Variants in NAALADL1 observed in about 807,000 individuals in gnomAD.
NAALADL1 encodes the protein N-acetylated alpha-linked acidic dipeptidase like 1.
NAALADL1 carries 77 observed loss-of-function variants against 82.8 expected under a neutral mutation model. The observed-to-expected ratio is 0.93, with a 90% CI of 0.77 to 1.12. The LOEUF (loss-of-function observed/expected upper bound fraction) is 1.12. Ranked by LOEUF, NAALADL1 falls within the 50% of genes most tolerant of loss-of-function variation. NAALADL1 has a pLI of 0.00. For missense variants in NAALADL1, 956 were observed against 964.0 expected (o/e 0.99, Z 0.11); for synonymous variants, 358 against 399.2 (o/e 0.90, Z 1.23).
At position 65,045,233 on chromosome 11, in the gene NAALADL1, G is replaced by T. The variant is rs371510293; in HGVS notation, c.*38C>A. ...ATCTCAGGAAAGCAGGCAGGAGAGG[G>T]TTGGAGTAAAGGGAGGGCTGAAGAA... On this transcript the variant is annotated 3_prime_UTR_variant, in exon 18 of 18. Coordinates refer to ENST00000358658, the MANE Select transcript of NAALADL1 (RefSeq NM_005468.3). 1 of 1,593,574 alleles carries T rather than the reference G, an allele frequency of 6.3e-7. No homozygotes were observed. Among genetic ancestry groups the T allele is most frequent in the Non-Finnish European group, 8.6e-7 (1 of 1,168,636 alleles).
At position 65,053,628 on chromosome 11, in the gene NAALADL1, G is replaced by C. The variant is rs374126198; in HGVS notation, c.993-52C>G. ...ACTCTTGGCCTTGCCCACTGCCCCC[G>C]ACCCAGTGCAGGAGACACTGAGGCC... On this transcript the variant is annotated intron_variant, in intron 6 of 17. Transcript: ENST00000358658. The surrounding 1 kb of genome is among the most constrained non-coding windows in gnomAD (Gnocchi z 4.3). The C allele has an allele frequency of 6.3e-5, 94 of 1,484,884 alleles. 1 individual carries two copies. In the African/African-American group the frequency reaches 1.2e-3, roughly 19 times the overall value. 92.0% of individuals were successfully genotyped at this position (1,484,884 alleles called of 1,614,324 possible). A position where few individuals can be genotyped will look rare whatever the true frequency, so the allele number is the denominator to read the frequency against.
At chr11:65,057,301 T>C in intron 4 of NAALADL1, 70 bp downstream of exon 4, 1 of 1,516,052 alleles carries the variant, frequency 6.6e-7, no homozygotes, top group Admixed American at 2.2e-5. Flanking sequence ...CCCCTTCCCC[T>C]CACTTCCTCC....
chr11:65,055,696 A>G (rs2137026846), intron 4 of NAALADL1, among the ~76,000 whole-genome samples: 1 of 152,280 alleles, frequency 6.6e-6, no homozygotes, highest in African/African-American at 2.4e-5. Flanking sequence ...ATTGTTAAAT[A>G]AAGTTTCTGT....
chr11:65,054,199 C>T lies in NAALADL1; in HGVS notation c.992+51G>A, dbSNP rs369706295. 58 of 1,472,734 alleles carry T rather than the reference C, an allele frequency of 3.9e-5. No homozygotes were observed. The highest frequency in any genetic ancestry group is 2.0e-4 in the Middle Eastern group (1 of 4,884). The allele number at this position is 1,472,734 out of a possible 1,614,324, so 91.2% of individuals were successfully genotyped here. On this transcript the variant is annotated intron_variant, in intron 6 of 17. Transcript: ENST00000358658. The surrounding 1 kb of genome is among the most constrained non-coding windows in gnomAD (Gnocchi z 4.3). ...CATCATCACAAGGGAAGGGGAGAGG[C>T]GAGTTGGGGGAGAGGGCAACTGAGG...
Position 65,053,694 on chromosome 11 carries a change from C to T in NAALADL1, c.993-118G>A, listed in dbSNP as rs879007798. The T allele has an allele frequency of 5.2e-5, 46 of 880,454 alleles. No individual in the cohort carries two copies. Among genetic ancestry groups the T allele is most frequent in the East Asian group, 2.1e-4 (8 of 37,606 alleles). The allele number at this position is 880,454 out of a possible 1,614,324, so 54.5% of individuals were successfully genotyped here. ...ACGTGGCAAGGCCATTCATTGGCCCCGAAGTACCAAGAGAGGCAGCAAGGC... is the reference window on the plus strand; with the variant it reads ...ACGTGGCAAGGCCATTCATTGGCCCTGAAGTACCAAGAGAGGCAGCAAGGC... On this transcript the variant is annotated intron_variant, in intron 6 of 17. Transcript: ENST00000358658. The surrounding 1 kb of genome is among the most constrained non-coding windows in gnomAD (Gnocchi z 4.3).
Position 65,045,126 on chromosome 11 carries a change from T to G in NAALADL1, c.*145A>C, listed in dbSNP as rs1477865234. 5 of 913,118 alleles carry G rather than the reference T, an allele frequency of 5.5e-6. No homozygotes were observed. The East Asian group carries it at 1.3e-4, about 24-fold the overall frequency. 56.6% of individuals were successfully genotyped at this position (913,118 alleles called of 1,614,324 possible). A position where few individuals can be genotyped will look rare whatever the true frequency, so the allele number is the denominator to read the frequency against. ...GTTGCATTAGGGCTTGCCACTCCCC[T>G]CAGGGACCTCAAGCTGTTGCCTGAG... is the stretch of plus-strand genomic sequence containing the variant. On this transcript the variant is annotated 3_prime_UTR_variant, in exon 18 of 18. Coordinates refer to ENST00000358658, the MANE Select transcript of NAALADL1 (RefSeq NM_005468.3).
intron 4 of NAALADL1, among the ~76,000 whole-genome samples, chr11:65,055,376 G>T (rs536475815): frequency 6.6e-6 from 1 of 152,294 alleles, no homozygotes; most frequent in East Asian, 1.9e-4. Flanking sequence ...GGTGGAGGTT[G>T]CAGTGAGCTG....
rs551063757 is a variant in NAALADL1, at chr11:65,056,077, G to C, written c.603+1294C>G. ...TTTTTGTATTTTTAGTAGAGACAGGGTTTCACCATGTTGGCCAGGCTGGTC... is the reference window on the plus strand; with the variant it reads ...TTTTTGTATTTTTAGTAGAGACAGGCTTTCACCATGTTGGCCAGGCTGGTC... On this transcript the variant is annotated intron_variant, in intron 4 of 17. Transcript: ENST00000358658. 2.1e-4 allele frequency among the ~76,000 whole-genome samples: 32 copies of C among 151,928 alleles called. No homozygotes were observed. The South Asian group carries it at 6.4e-3, about 31-fold the overall frequency.
intron 8 of NAALADL1, 76 bp from the exon 9 acceptor site, chr11:65,048,461 G>C (rs1008787408): frequency 1.6e-5 from 24 of 1,524,120 alleles, no homozygotes; most frequent in Non-Finnish European, 2.0e-5. Context: ...GGCTGCTGAC[G>C]TGAGGAGGGG....
At chr11:65,050,168 A>G (rs1335608948) in intron 8 of NAALADL1, among the ~76,000 whole-genome samples, 2 of 150,772 alleles carry the variant, frequency 1.3e-5, no homozygotes. Flanking sequence ...GAGCCACGAC[A>G]CCCAGCTGGA....
rs749155834 is a variant in NAALADL1 at position 65,048,186 on chromosome 11, C to T, written c.1314G>A (p.Thr438=). Reference sequence around the variant, plus strand: ...AGATGTCCACGTTGATGTAGGCCACCGTGCGCTCCTGCAGCTTGTTGAAGA... The same window carrying T: ...AGATGTCCACGTTGATGTAGGCCACTGTGCGCTCCTGCAGCTTGTTGAAGA... ...EEFFNKLQER[T]VAYINVDISV... Residue 438 remains threonine (T), a synonymous_variant, in exon 10 of 18, where the codon ACG becomes ACA. Coordinates refer to ENST00000358658, the MANE Select transcript of NAALADL1 (RefSeq NM_005468.3). 2.5e-6 allele frequency: 4 copies of T among 1,614,058 alleles called. No homozygotes were observed. The South Asian group carries it at 3.3e-5, about 13-fold the overall frequency.
chr11:65,056,789 C>G lies in NAALADL1; in HGVS notation c.603+582G>C, dbSNP rs1947052377. Among the ~76,000 whole-genome samples, 4 of 151,050 alleles carry G rather than the reference C, an allele frequency of 2.6e-5. No individual in the cohort carries two copies. In the South Asian group the frequency reaches 8.3e-4, roughly 31 times the overall value. ...GGAGAGTGCAGTGGTGCAATCTCAG[C>G]TCACTACCATCTCTGCCTCCCAGGT... On this transcript the variant is annotated intron_variant, in intron 4 of 17. Coordinates refer to ENST00000358658, the MANE Select transcript of NAALADL1 (RefSeq NM_005468.3).
rs1946945943 is a variant in NAALADL1, at chr11:65,053,430, G to A, written c.1078+61C>T. ...TGGTGGCAAGGGCAGGGCTGGATGAGGACAGCGGCATCCAGAGCAGAGCAG... is the reference window on the plus strand; with the variant it reads ...TGGTGGCAAGGGCAGGGCTGGATGAAGACAGCGGCATCCAGAGCAGAGCAG... On this transcript the variant is annotated intron_variant, in intron 7 of 17. Transcript: ENST00000358658. This position sits in a 1 kb window ranked among gnomAD's most constrained non-coding sequence, Gnocchi z 4.3. 6.2e-7 allele frequency: 1 copy of A among 1,611,392 alleles called. No individual in the cohort carries two copies. Among genetic ancestry groups the A allele is most frequent in the Non-Finnish European group, 8.5e-7 (1 of 1,177,982 alleles).
At chr11:65,049,966 C>G (rs527839538) in intron 8 of NAALADL1, among the ~76,000 whole-genome samples, 167 of 151,742 alleles carry the variant, frequency 1.1e-3, no homozygotes, top group Non-Finnish European at 2.2e-3. Context: ...ACCTCTGCCC[C>G]CCAGGTTCAA....
chr11:65,045,183 TTCTGGCACCAA>T lies in NAALADL1; in HGVS notation c.*77_*87del, dbSNP rs759634706. 1 of 1,449,116 alleles carries T rather than the reference TTCTGGCACCAA, an allele frequency of 6.9e-7. No homozygotes were observed. The allele number at this position is 1,449,116 out of a possible 1,614,324, so 89.8% of individuals were successfully genotyped here. A position where few individuals can be genotyped will look rare whatever the true frequency, so the allele number is the denominator to read the frequency against. On this transcript the variant is annotated 3_prime_UTR_variant, in exon 18 of 18. Coordinates refer to ENST00000358658, the MANE Select transcript of NAALADL1 (RefSeq NM_005468.3). The stretch of plus-strand genomic sequence containing the variant: ...GAGAGGGTCCTGTGGTAGTGCCCTC[TTCTGGCACCAA>T]GGAAGACCAGGACATCTCAGGAAAG...
chr11:65,055,344 C>T (rs1315860805), intron 4 of NAALADL1, among the ~76,000 whole-genome samples: 1 of 152,062 alleles, frequency 6.6e-6, no homozygotes, highest in Non-Finnish European at 1.5e-5. Context: ...GGCTGAGGCA[C>T]GAGAATCGCC....
chr11:65,046,721 T>C (rs1367855481), intron 13 of NAALADL1, among the ~76,000 whole-genome samples, 195 bp from the exon 14 acceptor site: 2 of 152,128 alleles, frequency 1.3e-5, no homozygotes, highest in Non-Finnish European at 2.9e-5. Flanking sequence ...AGCTAATTAG[T>C]GGAAGAGCTG....
chr11:65,047,838 T>C (rs946470899), intron 11 of NAALADL1, 100 bp from the exon 12 acceptor site: 2 of 1,472,406 alleles, frequency 1.4e-6, no homozygotes, highest in Non-Finnish European at 1.8e-6. Context: ...GGTCCAGTCC[T>C]TACGAGGCTT....
At chr11:65,047,331 G>C in intron 13 of NAALADL1, 144 bp downstream of exon 13, 2 of 683,918 alleles carry the variant, frequency 2.9e-6, no homozygotes, top group African/African-American at 1.8e-5. Flanking sequence ...ATTTCTGTGT[G>C]TGTGTGTGTT....
Sources: allele counts gnomAD v4.1 joint callset (sites outside exome capture counted in the v4.1 genomes callset), GRCh38; gene constraint gnomAD v4.1.1; non-coding constraint Gnocchi (gnomAD v3.1); transcripts MANE v1.5; gene names NCBI Gene and HGNC (gene_info 2026-07-23, HGNC 2026-07-21).